The following COL4A1 variants were observed in gnomAD, a reference collection of about 807,000 sequenced individuals.
The protein encoded by COL4A1 is collagen alpha-1(IV) chain.
COL4A1 carries 40 observed loss-of-function variants against 216.6 expected under a neutral mutation model. The ratio of observed to expected loss-of-function variants is 0.18; its 90% CI spans 0.14 to 0.24. The LOEUF (loss-of-function observed/expected upper bound fraction) is 0.24, where lower values mean the gene tolerates loss of function less well. COL4A1 is among the 10% of genes least tolerant of loss of function. The probability of loss-of-function intolerance (pLI) is 1.00; values close to 1 mark genes in which losing one functional copy is unlikely to be tolerated. For synonymous variants in COL4A1, 839 were observed against 810.7 expected, an observed-to-expected ratio of 1.03 and a Z score of -0.59; for missense variants, 1,628 against 2,196.8, an observed-to-expected ratio of 0.74 and a Z score of 5.18.
At chr13:110,150,613 C>T (rs777450196) in intron 51 of COL4A1, among the ~76,000 whole-genome samples, 169 bp from the exon 52 acceptor site, 12 of 152,338 alleles carry the variant, frequency 7.9e-5, no homozygotes, top group Non-Finnish European at 1.3e-4. Flanking sequence ...AGTGCACACA[C>T]GGTCCCACGC....
rs530771393 is a variant in COL4A1, at chr13:110,209,550, T to C, written c.616-123A>G. 316 of 801,966 alleles carry C rather than the reference T, an allele frequency of 3.9e-4. 2 individuals carry two copies. The highest frequency in any genetic ancestry group is 1.0e-3 in the South Asian group (60 of 58,360). The allele number at this position is 801,966 out of a possible 1,614,324, so 49.7% of individuals were successfully genotyped here. On this transcript the variant is annotated intron_variant, in intron 10 of 51. Coordinates refer to ENST00000375820, the MANE Select transcript of COL4A1 (RefSeq NM_001845.6). ...ATGATAATTTATTTGTGAAATATTT[T>C]TCCTGGGCTTCCCCTCCCTCCCCAC...
chr13:110,210,854 T>C (rs1373295611), intron 8 of COL4A1, among the ~76,000 whole-genome samples: 1 of 152,052 alleles, frequency 6.6e-6, no homozygotes, highest in Non-Finnish European at 1.5e-5. Context: ...ACACACCACC[T>C]TCAGACCCAA....
chr13:110,208,555 C>T (rs1392409683), intron 12 of COL4A1, among the ~76,000 whole-genome samples: 1 of 152,212 alleles, frequency 6.6e-6, no homozygotes, highest in African/African-American at 2.4e-5. Context: ...CTAGGTCTGA[C>T]CTCATCACTG....
chr13:110,154,973 G>A (rs1042074736), intron 50 of COL4A1, among the ~76,000 whole-genome samples: 5 of 152,360 alleles, frequency 3.3e-5, no homozygotes, highest in East Asian at 3.9e-4. Context: ...GAACAGACCC[G>A]TAGAGCACCT....
chr13:110,257,236 C>A (rs749915795), intron 1 of COL4A1, among the ~76,000 whole-genome samples: 9 of 152,134 alleles, frequency 5.9e-5, no homozygotes, highest in Non-Finnish European at 1.3e-4. Context: ...CTGCACATAA[C>A]AAACCCTACA....
rs9588107 is a variant in COL4A1 at position 110,170,993 on chromosome 13, G to A, written c.3557-261C>T. 0.53 allele frequency among the ~76,000 whole-genome samples: 80,317 copies of A among 152,114 alleles called. 21,315 individuals carry two copies. Among genetic ancestry groups the A allele is most frequent in the African/African-American group, 0.55 (22,844 of 41,476 alleles). On this transcript the variant is annotated intron_variant, in intron 41 of 51. Transcript: ENST00000375820. The stretch of plus-strand genomic sequence containing the variant: ...CAGCTATCGTTTTCATACTTCTCAC[G>A]AGACGTGTTCTATGGCAAAGGCATC...
At chr13:110,240,843 A>C (rs1256708626) in intron 2 of COL4A1, among the ~76,000 whole-genome samples, 1 of 152,008 alleles carries the variant, frequency 6.6e-6, no homozygotes, top group Non-Finnish European at 1.5e-5. Flanking sequence ...GAAATAAATT[A>C]CGTTAAAAAA....
rs1879815190 is a variant in COL4A1, at chr13:110,211,852, A to T, written c.441+17T>A. 6.2e-7 allele frequency: 1 copy of T among 1,613,892 alleles called. No homozygotes were observed. Among genetic ancestry groups the T allele is most frequent in the Non-Finnish European group, 8.5e-7 (1 of 1,179,782 alleles). ...AACTAAAAGAAAGAAGTTCTGCCCT[A>T]AATAACCTCTACTCACGGGATTTCC... On this transcript the variant is annotated intron_variant, in intron 7 of 51. Transcript: ENST00000375820. The surrounding 1 kb of genome is among the most constrained non-coding windows in gnomAD (Gnocchi z 4.3).
chr13:110,159,087 G>A (rs1876939773), intron 49 of COL4A1, among the ~76,000 whole-genome samples: 1 of 152,174 alleles, frequency 6.6e-6, no homozygotes, highest in Non-Finnish European at 1.5e-5. Flanking sequence ...AGAGAGGACA[G>A]TCATGTTATT....
intron 1 of COL4A1, among the ~76,000 whole-genome samples, chr13:110,270,845 T>TAA (rs1883221678): frequency 6.6e-6 from 1 of 152,056 alleles, no homozygotes; most frequent in Non-Finnish European, 1.5e-5. Context: ...CCCCCTAACT[T>TAA]AGATTTTTGT....
chr13:110,212,074 C>T (rs1034772950), intron 6 of COL4A1, 152 bp from the exon 7 acceptor site: 43 of 845,770 alleles, frequency 5.1e-5, no homozygotes, highest in Non-Finnish European at 7.2e-5. Context: ...CTGGGTACCA[C>T]TTTATGAAAG....
intron 44 of COL4A1, 149 bp from the exon 45 acceptor site, chr13:110,166,452 T>C (rs1180855066): frequency 2.8e-6 from 2 of 712,644 alleles, no homozygotes; most frequent in Non-Finnish European, 5.2e-6. Context: ...CATATATGCA[T>C]ACCCATATAT....
chr13:110,289,803 G>C (rs1432744926), intron 1 of COL4A1, among the ~76,000 whole-genome samples: 1 of 152,178 alleles, frequency 6.6e-6, no homozygotes, highest in Non-Finnish European at 1.5e-5. Flanking sequence ...CCGGATCCCA[G>C]GCTGCTCCTC....
chr13:110,192,801 A>C (rs1878699480), intron 23 of COL4A1, 29 bp downstream of exon 23: 4 of 1,598,390 alleles, frequency 2.5e-6, no homozygotes, highest in Middle Eastern at 1.7e-4. Flanking sequence ...GCAAACTCTG[A>C]CCTGGTCCTT....
At chr13:110,213,651 C>T (rs1001446315) in intron 4 of COL4A1, 131 bp downstream of exon 4, 3 of 903,074 alleles carry the variant, frequency 3.3e-6, no homozygotes, top group East Asian at 2.5e-5. Context: ...CGCCTGCCTG[C>T]CCGTGCTGTG....
chr13:110,295,570 C>T (rs1044495052), intron 1 of COL4A1, among the ~76,000 whole-genome samples: 4 of 151,866 alleles, frequency 2.6e-5, no homozygotes, highest in African/African-American at 7.3e-5. Flanking sequence ...GGATTACAGG[C>T]GCCCGCCACC....
intron 2 of COL4A1, among the ~76,000 whole-genome samples, chr13:110,230,215 G>A (rs1221780962): frequency 2.0e-5 from 3 of 152,030 alleles, no homozygotes; most frequent in Non-Finnish European, 4.4e-5. Flanking sequence ...TGTGTTCCAT[G>A]TATATGTAAG....
intron 1 of COL4A1, among the ~76,000 whole-genome samples, chr13:110,298,433 T>C (rs1476393174): frequency 6.6e-6 from 1 of 152,268 alleles, no homozygotes; most frequent in East Asian, 1.9e-4. Flanking sequence ...TTATTGATTC[T>C]GGACCGGGTT....
At chr13:110,170,875 T>C (rs543293861) in intron 41 of COL4A1, 143 bp from the exon 42 acceptor site, 72 of 828,046 alleles carry the variant, frequency 8.7e-5, no homozygotes, top group Non-Finnish European at 1.0e-4. Flanking sequence ...CACAGGAAAC[T>C]GCAGCAAGGG....
Sources: allele counts gnomAD v4.1 joint callset (sites outside exome capture counted in the v4.1 genomes callset), GRCh38; gene constraint gnomAD v4.1.1; non-coding constraint Gnocchi (gnomAD v3.1); transcripts MANE v1.5; gene names NCBI Gene and HGNC (gene_info 2026-07-23, HGNC 2026-07-21).